The following ZNF573 variants were observed in gnomAD, a reference collection of about 807,000 sequenced individuals.
The protein encoded by ZNF573 is zinc finger protein 573.
A neutral mutation model predicts 57.4 loss-of-function variants in ZNF573; 41 were observed. That is an observed-to-expected ratio of 0.71 (90% CI 0.56 to 0.93). The LOEUF is 0.93. Ranked by LOEUF, ZNF573 falls within the 40% of genes least tolerant of loss-of-function variation. The probability of loss-of-function intolerance (pLI) is 0.00; values close to 1 mark genes in which losing one functional copy is unlikely to be tolerated. For synonymous variants in ZNF573, 249 were observed against 261.0 expected (o/e 0.95, Z 0.44); for missense variants, 730 against 794.8 (o/e 0.92, Z 0.98).
At chr19:37,772,824 T>C (rs2045671655) in intron 2 of ZNF573, 8 of 284,520 alleles carry the variant, frequency 2.8e-5, no homozygotes, top group Non-Finnish European at 3.7e-5. Flanking sequence ...TTTGTAGAGA[T>C]GGGTGTCTCA....
chr19:37,763,372 CAGG>C (rs2045570916), intron 4 of ZNF573, among the ~76,000 whole-genome samples: 1 of 150,476 alleles, frequency 6.6e-6, no homozygotes, highest in African/African-American at 2.4e-5. Flanking sequence ...CACTTGAGGT[CAGG>C]AGTTCGAGAC....
Position 37,772,879 on chromosome 19 carries a change from C to T in ZNF573, c.69+782G>A, listed in dbSNP as rs1022770714. ...CAAACTCCTGGCCTCAAGTGATCCT[C>T]CCGCCTTGGCCTCCCACAGTGCTGG... On this transcript the variant is annotated intron_variant, in intron 2 of 4. Coordinates refer to ENST00000536220, the MANE Select transcript of ZNF573 (RefSeq NM_001172690.2). The T allele has an allele frequency of 3.3e-6, 3 of 895,858 alleles. No homozygotes were observed. In the African/African-American group the frequency reaches 5.4e-5, roughly 16 times the overall value. 55.5% of individuals were successfully genotyped at this position (895,858 alleles called of 1,614,324 possible).
rs577666034 is a variant in ZNF573, at chr19:37,745,975, A to C, written c.296-5781T>G. 7.9e-5 allele frequency among the ~76,000 whole-genome samples: 12 copies of C among 152,328 alleles called. 1 individual carries two copies. In the South Asian group the frequency reaches 2.5e-3, roughly 32 times the overall value. On this transcript the variant is annotated intron_variant, in intron 4 of 4. Coordinates refer to ENST00000536220, the MANE Select transcript of ZNF573 (RefSeq NM_001172690.2). Reference sequence around the variant, plus strand: ...GAGCTCAGTTACCTTCCAGTCACACACAGATTGTTCCTAAAAACTGACCAT... The same window carrying C: ...GAGCTCAGTTACCTTCCAGTCACACCCAGATTGTTCCTAAAAACTGACCAT...
At chr19:37,760,650 C>T (rs574235315) in intron 4 of ZNF573, among the ~76,000 whole-genome samples, 57 of 151,496 alleles carry the variant, frequency 3.8e-4, no homozygotes, top group Admixed American at 1.5e-3. Flanking sequence ...GGTGAAACCC[C>T]GTCTCTACTA....
At chr19:37,770,153 C>T in intron 3 of ZNF573, 56 bp from the exon 4 acceptor site, 1 of 1,340,484 alleles carries the variant, frequency 7.5e-7, no homozygotes. Flanking sequence ...GTAACAGAAA[C>T]CTTTGAGCTT....
At chr19:37,740,624 C>G (rs1394826403) in intron 4 of ZNF573, 1 of 455,960 alleles carries the variant, frequency 2.2e-6, no homozygotes, top group East Asian at 7.0e-5. Flanking sequence ...AATCCCTTTC[C>G]AAGGACTGCT....
Position 37,738,705 on chromosome 19 carries a change from G to C in ZNF573, c.1785C>G (p.Gly595=). Residue 595 remains glycine, a synonymous_variant, in exon 5 of 5, where the codon GGC becomes GGG. Transcript: ENST00000536220. ...KECGKAFKMY[G]YLTQHQKIHT... is the part of the protein sequence containing the mutation. ...GAATTTTCTGATGTTGGGTAAGGTA[G>C]CCATACATTTTAAAGGCCTTTCCAC... 1 of 1,611,302 alleles carries C rather than the reference G, an allele frequency of 6.2e-7. No individual in the cohort carries two copies. The highest frequency in any genetic ancestry group is 8.5e-7 in the Non-Finnish European group (1 of 1,179,106).
chr19:37,755,834 C>CA (rs11362043), intron 4 of ZNF573, among the ~76,000 whole-genome samples: 20,819 of 130,140 alleles, frequency 0.16, 1,649 homozygotes, highest in Middle Eastern at 0.29. Flanking sequence ...TGGTTCTTCG[C>CA]AAAAAAAAAA....
chr19:37,771,453 A>G (rs2045657840), intron 3 of ZNF573, 111 bp downstream of exon 3: 3 of 1,282,694 alleles, frequency 2.3e-6, no homozygotes, highest in Non-Finnish European at 3.2e-6. Context: ...TCCTCTAAGA[A>G]CAGGAAGGAG....
intron 1 of ZNF573, among the ~76,000 whole-genome samples, chr19:37,777,624 A>G (rs1055292328): frequency 1.3e-5 from 2 of 151,876 alleles, no homozygotes; most frequent in African/African-American, 2.4e-5. Context: ...TAATGATATA[A>G]TGGATCTCAG....
At chr19:37,777,021 C>T (rs1348817382) in intron 1 of ZNF573, among the ~76,000 whole-genome samples, 4 of 152,172 alleles carry the variant, frequency 2.6e-5, no homozygotes, top group Admixed American at 2.6e-4. Context: ...AGAGAGAACA[C>T]TTCTACACTA....
chr19:37,772,877 C>A (rs2045672211), intron 2 of ZNF573: 1 of 881,110 alleles, frequency 1.1e-6, no homozygotes, highest in African/African-American at 1.8e-5. Context: ...TCAAGTGATC[C>A]TCCCGCCTTG....
Position 37,738,859 on chromosome 19 carries a change from T to C in ZNF573, c.1631A>G (p.His544Arg), listed in dbSNP as rs765470608. 6 of 1,611,916 alleles carry C rather than the reference T, an allele frequency of 3.7e-6. No homozygotes were observed. The highest frequency in any genetic ancestry group is 5.1e-6 in the Non-Finnish European group (6 of 1,179,432). The change falls in exon 5 of 5, where the codon CAT (histidine) becomes CGT (arginine). Residue 544 changes from histidine (H) to arginine (R), a missense_variant. Physicochemically the swap from His to Arg is conservative, Grantham distance 29. Coordinates refer to ENST00000536220, the MANE Select transcript of ZNF573 (RefSeq NM_001172690.2). ...TTTCTCATCAGTATGAATACTTTGA[T>C]GTAGAGTAAGATTTCTATAGAAAGT... ...TFTFYRNLTL[H>R]QSIHTDEKPF...
chr19:37,739,947 T>C lies in ZNF573; in HGVS notation c.543A>G (p.Gln181=), dbSNP rs760103738. The part of the protein sequence containing the change: ...FRSGYQLTLH[Q]RFHTGEKPYE... ...AGGGTTTCTCACCAGTATGAAATCT[T>C]TGATGTAGAGTAAGTTGATAGCCAC... Residue 181 remains glutamine (Q), a synonymous_variant, in exon 5 of 5, where the codon CAA becomes CAG. Transcript: ENST00000536220. 1.9e-6 allele frequency: 3 copies of C among 1,614,150 alleles called. No homozygotes were observed. The Admixed American group carries it at 5.0e-5, about 27-fold the overall frequency.
chr19:37,754,304 G>A (rs1300595332), intron 4 of ZNF573, among the ~76,000 whole-genome samples: 2 of 152,012 alleles, frequency 1.3e-5, no homozygotes, highest in African/African-American at 2.4e-5. Flanking sequence ...GGTGGATCAC[G>A]AGGTCAGGAA....
intron 2 of ZNF573, among the ~76,000 whole-genome samples, chr19:37,772,608 C>G (rs991295769): frequency 6.6e-6 from 1 of 151,648 alleles, no homozygotes; most frequent in Middle Eastern, 3.4e-3. Flanking sequence ...CGTCGTTAAT[C>G]CATCTTTTAC....
chr19:37,777,946 C>T (rs2045725423), intron 1 of ZNF573, among the ~76,000 whole-genome samples: 1 of 149,724 alleles, frequency 6.7e-6, no homozygotes, highest in South Asian at 2.1e-4. Flanking sequence ...ATGGCCTGAA[C>T]CCGGGAGGCA....
At chr19:37,749,254 G>A (rs979841916) in intron 4 of ZNF573, among the ~76,000 whole-genome samples, 8 of 151,390 alleles carry the variant, frequency 5.3e-5, no homozygotes, top group Admixed American at 4.6e-4. Context: ...TATGTGAAAG[G>A]TAATTAACTG....
intron 1 of ZNF573, among the ~76,000 whole-genome samples, chr19:37,776,208 G>A (rs1042263332): frequency 1.3e-5 from 2 of 152,112 alleles, no homozygotes; most frequent in African/African-American, 4.8e-5. Context: ...CAAATCTGGA[G>A]ACATAACATT....
Sources: allele counts gnomAD v4.1 joint callset (sites outside exome capture counted in the v4.1 genomes callset), GRCh38; gene constraint gnomAD v4.1.1; transcripts MANE v1.5; gene names NCBI Gene and HGNC (gene_info 2026-07-23, HGNC 2026-07-21).